The following BRD1 variants were observed in gnomAD, a reference collection of about 807,000 sequenced individuals.
BRD1 encodes the protein bromodomain-containing protein 1.
BRD1 carries 24 observed loss-of-function variants against 107.7 expected under a neutral mutation model. The observed-to-expected ratio is 0.22, with a 90% CI of 0.16 to 0.31. BRD1 has a LOEUF of 0.31. Ranked by LOEUF, BRD1 falls within the 10% of genes least tolerant of loss-of-function variation. The pLI is 1.00. For missense variants in BRD1, 1,279 were observed against 1,638.6 expected (o/e 0.78, Z 3.79); for synonymous variants, 744 against 686.1 (o/e 1.08, Z -1.32).
chr22:49,785,906 G>A (rs1382164804), intron 8 of BRD1, among the ~76,000 whole-genome samples: 2 of 152,112 alleles, frequency 1.3e-5, no homozygotes. Flanking sequence ...TCCCCTCCCC[G>A]GACGCTTCAG....
rs2060101946 is a variant in BRD1, at chr22:49,823,131, C to G, written c.1187G>C (p.Arg396Thr). The G allele has an allele frequency of 6.2e-7, 1 of 1,614,080 alleles. No individual in the cohort carries two copies. Among genetic ancestry groups the G allele is most frequent in the South Asian group, 1.1e-5 (1 of 91,078 alleles). ...DVHTPPGCTRRPLNIYGDVEM... is the reference protein window; with the variant it reads ...DVHTPPGCTRTPLNIYGDVEM... ...GACATCCCCGTAAATATTCAGAGGCCTCCGGGTGCAGCCTGGAGGCGTGTG... is the reference window on the plus strand; with the variant it reads ...GACATCCCCGTAAATATTCAGAGGCGTCCGGGTGCAGCCTGGAGGCGTGTG... The change falls in exon 2 of 13, where the codon AGG becomes ACG. Residue 396 changes from arginine to threonine, a missense_variant. By Grantham distance (71) the Arg-to-Thr change is moderately conservative (BLOSUM62 -1). Around this residue, in one of 7 missense-constraint regions of BRD1, gnomAD observed 158 missense variants for 310.2 expected, o/e 0.51. Coordinates refer to ENST00000404760, the MANE Select transcript of BRD1 (RefSeq NM_001304808.3).
intron 7 of BRD1, among the ~76,000 whole-genome samples, chr22:49,789,669 C>T (rs570335724): frequency 1.3e-5 from 2 of 152,256 alleles, no homozygotes; most frequent in South Asian, 2.1e-4. Flanking sequence ...CTCCGGGAGA[C>T]CCCCCTTCCC....
At chr22:49,785,308 C>T (rs2059301819) in intron 8 of BRD1, among the ~76,000 whole-genome samples, 1 of 152,242 alleles carries the variant, frequency 6.6e-6, no homozygotes, top group Non-Finnish European at 1.5e-5. Flanking sequence ...GACGGGAGGC[C>T]GCCTCAAACC....
At chr22:49,793,079 G>A (rs2059464685) in intron 7 of BRD1, among the ~76,000 whole-genome samples, 1 of 152,234 alleles carries the variant, frequency 6.6e-6, no homozygotes, top group Admixed American at 6.5e-5. Flanking sequence ...AGAAGGCTGA[G>A]AACCAGCTGC....
Position 49,824,845 on chromosome 22 carries a change from G to C in BRD1, c.-14-514C>G. On this transcript the variant is annotated intron_variant, in intron 1 of 12. Coordinates refer to ENST00000404760, the MANE Select transcript of BRD1 (RefSeq NM_001304808.3). The surrounding 1 kb of genome is among the most constrained non-coding windows in gnomAD (Gnocchi z 5.9). The stretch of plus-strand genomic sequence containing the variant: ...CTCTTCCCCTCCCCACTACTCCCAG[G>C]AGAGCACTCCCATGAGCCCAGAGTC... 2 of 1,002,268 alleles carry C rather than the reference G, an allele frequency of 2.0e-6. No individual in the cohort carries two copies. The highest frequency in any genetic ancestry group is 2.4e-6 in the Non-Finnish European group (2 of 838,114). 62.1% of individuals were successfully genotyped at this position (1,002,268 alleles called of 1,614,324 possible). A position where few individuals can be genotyped will look rare whatever the true frequency, so the allele number is the denominator to read the frequency against.
In BRD1 at chr22:49,824,650, A is replaced by C; in HGVS notation, c.-14-319T>G. 8.7e-7 allele frequency: 1 copy of C among 1,152,720 alleles called. No homozygotes were observed. The highest frequency in any genetic ancestry group is 1.1e-6 in the Non-Finnish European group (1 of 930,836). The allele number at this position is 1,152,720 out of a possible 1,614,324, so 71.4% of individuals were successfully genotyped here. A position where few individuals can be genotyped will look rare whatever the true frequency, so the allele number is the denominator to read the frequency against. Reference sequence around the variant, plus strand: ...GCGGAGACCACAGCAACGCTCCCCAAGGAGGAGGGGTCCGGCCCAGAGCCC... The same window carrying C: ...GCGGAGACCACAGCAACGCTCCCCACGGAGGAGGGGTCCGGCCCAGAGCCC... On this transcript the variant is annotated intron_variant, in intron 1 of 12. Transcript: ENST00000404760. The surrounding 1 kb of genome is among the most constrained non-coding windows in gnomAD (Gnocchi z 5.9).
intron 2 of BRD1, among the ~76,000 whole-genome samples, chr22:49,810,009 C>G (rs748703409): frequency 6.6e-6 from 1 of 152,136 alleles, no homozygotes; most frequent in South Asian, 2.1e-4. Flanking sequence ...AAATGTATAA[C>G]CTATTGGGCC....
intron 6 of BRD1, among the ~76,000 whole-genome samples, chr22:49,797,515 A>G (rs1219937086): frequency 6.6e-6 from 1 of 152,170 alleles, no homozygotes; most frequent in East Asian, 1.9e-4. Context: ...TAAAATACAC[A>G]TCAGATGGCA....
intron 1 of BRD1, chr22:49,826,106 C>G: frequency 2.1e-6 from 2 of 931,898 alleles, no homozygotes; most frequent in Non-Finnish European, 2.6e-6. Flanking sequence ...GACGCCGACA[C>G]GCGTCATTAC....
chr22:49,780,319 T>G (rs1427734284), intron 8 of BRD1, among the ~76,000 whole-genome samples: 1 of 152,142 alleles, frequency 6.6e-6, no homozygotes, highest in Admixed American at 6.5e-5. Context: ...AAAATGCCCC[T>G]CTTAATTTTC....
At position 49,817,007 on chromosome 22, in the gene BRD1, G is replaced by T. The variant is rs557339037; in HGVS notation, c.1367+5944C>A. On this transcript the variant is annotated intron_variant, in intron 2 of 12. Transcript: ENST00000404760. ...GCCGGACCCCATTCCTGCCCCTTCT[G>T]CCACCATTTCAGACACCCCACAGGG... Among the ~76,000 whole-genome samples, 3 of 152,292 alleles carry T rather than the reference G, an allele frequency of 2.0e-5. No homozygotes were observed. The South Asian group carries it at 6.2e-4, about 32-fold the overall frequency.
intron 1 of BRD1, among the ~76,000 whole-genome samples, chr22:49,825,221 ATC>A (rs2060133643): frequency 6.6e-6 from 1 of 151,944 alleles, no homozygotes; most frequent in Non-Finnish European, 1.5e-5. Context: ...GCCAAAGGGA[ATC>A]TCTGTTCTCC....
At chr22:49,799,805 G>A (rs1285047633) in intron 3 of BRD1, among the ~76,000 whole-genome samples, 1 of 152,232 alleles carries the variant, frequency 6.6e-6, no homozygotes, top group Non-Finnish European at 1.5e-5. Context: ...GCCCTGCAAA[G>A]GCCATGACAC....
In BRD1 at chr22:49,787,723, T is replaced by C; in HGVS notation, c.2524A>G (p.Thr842Ala). 6.4e-7 allele frequency: 1 copy of C among 1,550,786 alleles called. No individual in the cohort carries two copies. Among genetic ancestry groups the C allele is most frequent in the South Asian group, 1.2e-5 (1 of 84,050 alleles). Residue 842 changes from threonine (T) to alanine (A), a missense_variant, in exon 8 of 13, where the codon ACT (threonine) becomes GCT (alanine). By Grantham distance (58) the Thr-to-Ala change is moderately conservative (BLOSUM62 0). Around this residue, in one of 7 missense-constraint regions of BRD1, gnomAD observed 406 missense variants for 519.4 expected, o/e 0.78. Coordinates refer to ENST00000404760, the MANE Select transcript of BRD1 (RefSeq NM_001304808.3). ...CGTCCGCTTACCAGTGCGCTCTGAG[T>C]GCAAGCGCTATGTGATTCATTATCA... Reference protein sequence around the residue: ...TFDNESHSACTQSALVSGRPP... With the variant: ...TFDNESHSACAQSALVSGRPP...
At chr22:49,778,596 A>ACAGGGCGT (rs2146942121) in intron 8 of BRD1, among the ~76,000 whole-genome samples, 1 of 152,324 alleles carries the variant, frequency 6.6e-6, no homozygotes, top group Non-Finnish European at 1.5e-5. Flanking sequence ...CCCCCATGGG[A>ACAGGGCGT]GTCACAACGG....
At chr22:49,812,502 TG>T (rs1344072413) in intron 2 of BRD1, among the ~76,000 whole-genome samples, 1 of 151,966 alleles carries the variant, frequency 6.6e-6, no homozygotes, top group East Asian at 1.9e-4. Flanking sequence ...ACTCTGGAGG[TG>T]GAGGCTGCAG....
In BRD1 at chr22:49,814,705, G is replaced by A. The variant is rs77803815; in HGVS notation, c.1367+8246C>T. 7.3e-3 allele frequency among the ~76,000 whole-genome samples: 1,119 copies of A among 152,300 alleles called. 5 individuals carry two copies. Among genetic ancestry groups the A allele is most frequent in the Middle Eastern group, 0.02 (6 of 294 alleles). Reference sequence around the variant, plus strand: ...GCTCCCCACCAGCCCGAGCCCAGGAGGTGCTCTCAGGAAAGCCACCATCGC... The same window carrying A: ...GCTCCCCACCAGCCCGAGCCCAGGAAGTGCTCTCAGGAAAGCCACCATCGC... On this transcript the variant is annotated intron_variant, in intron 2 of 12. Transcript: ENST00000404760.
intron 7 of BRD1, among the ~76,000 whole-genome samples, chr22:49,788,560 T>G (rs944803891): frequency 6.6e-6 from 1 of 152,206 alleles, no homozygotes; most frequent in Non-Finnish European, 1.5e-5. Flanking sequence ...TAACCTCTTT[T>G]TAAAGTCTTT....
rs199812227 is a variant in BRD1, at chr22:49,787,357, AG to A, written c.2857+32del. The A allele has an allele frequency of 2.7e-3, 3,829 of 1,400,814 alleles. 86 individuals carry two copies. In the African/African-American group the frequency reaches 0.049, roughly 18 times the overall value. 86.8% of individuals were successfully genotyped at this position (1,400,814 alleles called of 1,614,324 possible). ...AGGACGCTCCAGGCACTGGTCGGCA[AG>A]GGCGCCTCTCAGGGCCGCCCGCGGC... On this transcript the variant is annotated intron_variant, in intron 8 of 12. Coordinates refer to ENST00000404760, the MANE Select transcript of BRD1 (RefSeq NM_001304808.3).
Sources: allele counts gnomAD v4.1 joint callset (sites outside exome capture counted in the v4.1 genomes callset), GRCh38; gene constraint gnomAD v4.1.1; regional missense constraint gnomAD v4.1.1; non-coding constraint Gnocchi (gnomAD v3.1); transcripts MANE v1.5; gene names NCBI Gene and HGNC (gene_info 2026-07-23, HGNC 2026-07-21).